Variants in DNAH8 observed in about 807,000 individuals in gnomAD.
DNAH8 encodes dynein axonemal heavy chain 8.
Under a neutral mutation model 562.1 loss-of-function variants are expected in DNAH8, and 382 were observed. The observed-to-expected ratio is 0.68, with a 90% confidence interval of 0.63 to 0.74. DNAH8 has a LOEUF of 0.74. Ranked by LOEUF, DNAH8 falls within the 30% of genes least tolerant of loss-of-function variation. The probability of loss-of-function intolerance (pLI) is 0.00; values close to 1 mark genes in which losing one functional copy is unlikely to be tolerated. For missense variants in DNAH8, 5,203 were observed against 5,620.4 expected (o/e 0.93, Z 2.37); for synonymous variants, 1,881 against 1,919.4 (o/e 0.98, Z 0.52).
At chr6:38,787,000 A>T in intron 18 of DNAH8, 48 bp downstream of exon 18, 1 of 1,221,932 alleles carries the variant, frequency 8.2e-7, no homozygotes, top group Non-Finnish European at 1.1e-6. Context: ...GTTTTTTGGT[A>T]AAAAAAATAT....
At chr6:38,881,162 G>T (rs1432374375) in intron 53 of DNAH8, among the ~76,000 whole-genome samples, 1 of 152,156 alleles carries the variant, frequency 6.6e-6, no homozygotes, top group Non-Finnish European at 1.5e-5. Context: ...CTACAGAATG[G>T]CACAGCCACT....
intron 79 of DNAH8, 38 bp from the exon 80 acceptor site, chr6:38,945,429 G>T: frequency 4.3e-6 from 7 of 1,612,212 alleles, no homozygotes; most frequent in Non-Finnish European, 5.9e-6. Context: ...GTGAAGTACA[G>T]GCTTACCCAA....
chr6:38,924,278 TGAG>T, intron 73 of DNAH8, 116 bp downstream of exon 73: 2 of 968,588 alleles, frequency 2.1e-6, no homozygotes, highest in Admixed American at 4.7e-5. Flanking sequence ...TTTGGGAGGC[TGAG>T]GAGGGCAGAT....
At chr6:38,985,619 C>T (rs1764330938) in intron 87 of DNAH8, among the ~76,000 whole-genome samples, 1 of 152,154 alleles carries the variant, frequency 6.6e-6, no homozygotes, top group South Asian at 2.1e-4. Flanking sequence ...GAAAGCAGTC[C>T]AGTAATACTT....
rs150920610 is a variant in DNAH8 at position 38,982,657 on chromosome 6, A to G, written c.12951+195A>G. On this transcript the variant is annotated intron_variant, in intron 86 of 92. Coordinates refer to ENST00000327475, the MANE Select transcript of DNAH8 (RefSeq NM_001206927.2). ...CCAACACTCACATACCTCTGAAGCTAACTAACTCAGTGTGTTGCAAAATAC... is the reference window on the plus strand; with the variant it reads ...CCAACACTCACATACCTCTGAAGCTGACTAACTCAGTGTGTTGCAAAATAC... 2.0e-4 allele frequency among the ~76,000 whole-genome samples: 30 copies of G among 152,220 alleles called. No homozygotes were observed. In the East Asian group the frequency reaches 4.3e-3, roughly 22 times the overall value.
At chr6:39,001,653 CAGAA>C (rs1765491418) in intron 88 of DNAH8, among the ~76,000 whole-genome samples, 1 of 152,056 alleles carries the variant, frequency 6.6e-6, no homozygotes, top group African/African-American at 2.4e-5. Flanking sequence ...GAAGCAAGAG[CAGAA>C]GCTGGAGATA....
chr6:39,009,246 A>C (rs1321648817), intron 89 of DNAH8, among the ~76,000 whole-genome samples: 1 of 152,046 alleles, frequency 6.6e-6, no homozygotes, highest in African/African-American at 2.4e-5. Flanking sequence ...TCCTCAATCA[A>C]AGTTTCCACG....
At chr6:38,780,169 C>A (rs1768442633) in intron 15 of DNAH8, 104 bp downstream of exon 15, 1 of 1,101,014 alleles carries the variant, frequency 9.1e-7, no homozygotes, top group East Asian at 2.6e-5. Flanking sequence ...CAGAGTGATT[C>A]TTTCTCTGCT....
chr6:38,980,585 AG>A (rs945224890), intron 85 of DNAH8, among the ~76,000 whole-genome samples: 8 of 152,312 alleles, frequency 5.3e-5, no homozygotes, highest in Middle Eastern at 3.4e-3. Flanking sequence ...TCCTGGGAGA[AG>A]GGGTCTGGTC....
intron 74 of DNAH8, chr6:38,928,259 A>G (rs1194571825): frequency 6.6e-6 from 1 of 152,228 alleles, no homozygotes; most frequent in Non-Finnish European, 1.5e-5. Context: ...GGATTCCAAA[A>G]TACTATTTCA....
Position 38,765,026 on chromosome 6 carries a change from G to C in DNAH8, c.1617+3223G>C, listed in dbSNP as rs369567808. Reference sequence around the variant, plus strand: ...ATTTTTGTATTTTCAGTAGAGACAAGGGTTTCACCATGTTGGCCAGGCTGG... The same window carrying C: ...ATTTTTGTATTTTCAGTAGAGACAACGGTTTCACCATGTTGGCCAGGCTGG... On this transcript the variant is annotated intron_variant, in intron 11 of 92. Coordinates refer to ENST00000327475, the MANE Select transcript of DNAH8 (RefSeq NM_001206927.2). Among the ~76,000 whole-genome samples the C allele has an allele frequency of 7.2e-5, 11 of 152,266 alleles. No individual in the cohort carries two copies. The East Asian group carries it at 2.1e-3, about 29-fold the overall frequency.
chr6:38,824,884 G>A (rs1190036153), intron 28 of DNAH8, among the ~76,000 whole-genome samples: 1 of 152,026 alleles, frequency 6.6e-6, no homozygotes, highest in East Asian at 1.9e-4. Flanking sequence ...TACTTAAGGG[G>A]GACTATTTAC....
At chr6:38,909,881 T>C in intron 65 of DNAH8, 137 bp downstream of exon 65, 1 of 777,002 alleles carries the variant, frequency 1.3e-6, no homozygotes, top group East Asian at 2.7e-5. Context: ...CTTGCTTTGA[T>C]TTTCTAGTGA....
chr6:38,832,298 G>T, intron 30 of DNAH8, 24 bp from the exon 31 acceptor site: 3 of 1,466,222 alleles, frequency 2.0e-6, no homozygotes, highest in Non-Finnish European at 2.9e-6. Context: ...TCACTCTCAG[G>T]TTGAATATTC....
intron 9 of DNAH8, among the ~76,000 whole-genome samples, chr6:38,750,866 G>T (rs1317512241): frequency 6.6e-6 from 1 of 152,018 alleles, no homozygotes; most frequent in Admixed American, 6.6e-5. Context: ...CCTGCCAAAA[G>T]TTATTTAAAA....
rs774952820 is a variant in DNAH8 at position 38,722,935 on chromosome 6, G to GGCAGAAGATGGTTTCTCTCCTTCC, written c.137_160dup (p.Gly46_Asp53dup). 93 of 1,612,534 alleles carry GGCAGAAGATGGTTTCTCTCCTTCC rather than the reference G, an allele frequency of 5.8e-5. No homozygotes were observed. The highest frequency in any genetic ancestry group is 3.3e-4 in the Middle Eastern group (2 of 6,082). On this transcript the variant is annotated inframe_insertion, in exon 2 of 93. Transcript: ENST00000327475. ...CGCGCCCTCCGACAGTGGAGGCCCC[G>GGCAGAAGATGGTTTCTCTCCTTCC]GCAGAAGATGGTTTCTCTCCTTCCG...
At chr6:38,767,440 G>A (rs1270491103) in intron 11 of DNAH8, among the ~76,000 whole-genome samples, 2 of 147,208 alleles carry the variant, frequency 1.4e-5, no homozygotes. Flanking sequence ...TCCATCTCAG[G>A]AAAAAAAAAA....
At position 39,030,435 on chromosome 6, in the gene DNAH8, G is replaced by T. The variant is rs372960425; in HGVS notation, c.*43G>T. ...CAGGGCACCAGAACCCACATAGACA[G>T]CCTGTGCTATTGAGGGACTCAGTGA... On this transcript the variant is annotated 3_prime_UTR_variant, in exon 93 of 93. Transcript: ENST00000327475. 6.4e-7 allele frequency: 1 copy of T among 1,562,410 alleles called. No homozygotes were observed. Among genetic ancestry groups the T allele is most frequent in the Non-Finnish European group, 8.7e-7 (1 of 1,143,524 alleles).
At chr6:38,944,454 A>T (rs1783691079) in intron 79 of DNAH8, among the ~76,000 whole-genome samples, 3 of 152,152 alleles carry the variant, frequency 2.0e-5, no homozygotes, top group Admixed American at 1.3e-4. Flanking sequence ...TTGATTTGTG[A>T]ACTGGAAGGA....
Sources: allele counts gnomAD v4.1 joint callset (sites outside exome capture counted in the v4.1 genomes callset), GRCh38; gene constraint gnomAD v4.1.1; transcripts MANE v1.5; gene names NCBI Gene and HGNC (gene_info 2026-07-23, HGNC 2026-07-21).